Variants in BAG2 observed in about 807,000 individuals in gnomAD.
BAG2 encodes the protein BAG cochaperone 2.
BAG2 carries 8 observed loss-of-function variants against 16.4 expected under a neutral mutation model. The observed-to-expected ratio is 0.49, with a 90% CI of 0.29 to 0.88. The LOEUF is 0.88. Ranked by LOEUF, BAG2 falls within the 40% of genes least tolerant of loss-of-function variation. The pLI, the probability that BAG2 is intolerant of heterozygous loss-of-function variation, is 0.09. For missense variants in BAG2, 218 were observed against 248.9 expected (o/e 0.88, Z 0.84); for synonymous variants, 82 against 89.2 (o/e 0.92, Z 0.46).
rs1554307961 is a variant in BAG2, at chr6:57,188,502, T to TAAC, written c.*4315_*4317dup. ...GAAAAAGAACTAACTAGAACACATATAACAAGTGATTTTTCTGCCAATAAA... is the reference window on the plus strand; with the variant it reads ...GAAAAAGAACTAACTAGAACACATATAACAACAAGTGATTTTTCTGCCAATAAA... On this transcript the variant is annotated 3_prime_UTR_variant, in exon 3 of 3. Coordinates refer to ENST00000370693, the MANE Select transcript of BAG2 (RefSeq NM_004282.4). The TAAC allele has an allele frequency of 1.3e-5, 2 of 152,112 alleles. No individual in the cohort carries two copies. The highest frequency in any genetic ancestry group is 2.4e-5 in the African/African-American group (1 of 41,432). The allele number at this position is 152,112 out of a possible 1,614,324, so 9.4% of individuals were successfully genotyped here.
Position 57,189,692 on chromosome 6 carries a change from TAAAC to T in BAG2, c.*5505_*5508del, listed in dbSNP as rs1390039195. The T allele has an allele frequency of 3.9e-5, 6 of 152,766 alleles. No homozygotes were observed. Among genetic ancestry groups the T allele is most frequent in the South Asian group, 2.1e-4 (1 of 4,828 alleles). 9.5% of individuals were successfully genotyped at this position (152,766 alleles called of 1,614,324 possible). ...TGCTTACTGCTTTTAAAAGATATAA[TAAAC>T]AATATAAATTCTGATAGTAAAGCAC... On this transcript the variant is annotated 3_prime_UTR_variant, in exon 3 of 3. Transcript: ENST00000370693.
rs1268774530 is a variant in BAG2 at position 57,184,933 on chromosome 6, C to CT, written c.*745dup. On this transcript the variant is annotated 3_prime_UTR_variant, in exon 3 of 3. Coordinates refer to ENST00000370693, the MANE Select transcript of BAG2 (RefSeq NM_004282.4). ...GATATAAAGTCTGCTTAATTGTCAACTTAATGAGCTCTATTTTGTGTAGTT... is the reference window on the plus strand; with the variant it reads ...GATATAAAGTCTGCTTAATTGTCAACTTTAATGAGCTCTATTTTGTGTAGTT... 6.6e-6 allele frequency: 1 copy of CT among 152,204 alleles called. No homozygotes were observed. Among genetic ancestry groups the CT allele is most frequent in the East Asian group, 1.9e-4 (1 of 5,200 alleles). 9.4% of individuals were successfully genotyped at this position (152,204 alleles called of 1,614,324 possible). A position where few individuals can be genotyped will look rare whatever the true frequency, so the allele number is the denominator to read the frequency against.
intron 2 of BAG2, 26 bp downstream of exon 2, chr6:57,182,167 C>T (rs1177183969): frequency 6.3e-7 from 1 of 1,595,706 alleles, no homozygotes; most frequent in Admixed American, 1.7e-5. Context: ...ACAGAAGGGG[C>T]TCATCTTTTA....
rs893495664 is a variant in BAG2, at chr6:57,185,280, G to A, written c.*1090G>A. ...GTTTACTAAAAAGGTTGACCAGTGTGTTGATTCTTCTTTTATCTGATAAAG... is the reference window on the plus strand; with the variant it reads ...GTTTACTAAAAAGGTTGACCAGTGTATTGATTCTTCTTTTATCTGATAAAG... On this transcript the variant is annotated 3_prime_UTR_variant, in exon 3 of 3. Coordinates refer to ENST00000370693, the MANE Select transcript of BAG2 (RefSeq NM_004282.4). 1 of 152,146 alleles carries A rather than the reference G, an allele frequency of 6.6e-6. No individual in the cohort carries two copies. Among genetic ancestry groups the A allele is most frequent in the Non-Finnish European group, 1.5e-5 (1 of 68,030 alleles). 9.4% of individuals were successfully genotyped at this position (152,146 alleles called of 1,614,324 possible).
chr6:57,176,677 G>A (rs975909559), intron 1 of BAG2, among the ~76,000 whole-genome samples: 2 of 152,198 alleles, frequency 1.3e-5, no homozygotes, highest in African/African-American at 4.8e-5. Flanking sequence ...GTGAAGGGAT[G>A]GGGTTGGGGG....
chr6:57,187,372 T>C lies in BAG2; in HGVS notation c.*3182T>C, dbSNP rs1477602513. On this transcript the variant is annotated 3_prime_UTR_variant, in exon 3 of 3. Coordinates refer to ENST00000370693, the MANE Select transcript of BAG2 (RefSeq NM_004282.4). ...AATATTTTGTTAGCAAATGAATTCATCTGTATGATGAGAGACTTACATGTT... is the reference window on the plus strand; with the variant it reads ...AATATTTTGTTAGCAAATGAATTCACCTGTATGATGAGAGACTTACATGTT... 1 of 152,184 alleles carries C rather than the reference T, an allele frequency of 6.6e-6. No homozygotes were observed. Among genetic ancestry groups the C allele is most frequent in the Non-Finnish European group, 1.5e-5 (1 of 68,028 alleles). 9.4% of individuals were successfully genotyped at this position (152,184 alleles called of 1,614,324 possible).
Position 57,184,332 on chromosome 6 carries a change from A to G in BAG2, c.*142A>G. On this transcript the variant is annotated 3_prime_UTR_variant, in exon 3 of 3. Transcript: ENST00000370693. The stretch of plus-strand genomic sequence containing the variant: ...TTCAGATGAGGAAAATATTCCATCA[A>G]GTATCTTCAGTTTTGTGAATAACAA... 1.4e-6 allele frequency: 1 copy of G among 711,964 alleles called. No individual in the cohort carries two copies. The highest frequency in any genetic ancestry group is 2.0e-6 in the Non-Finnish European group (1 of 493,102). The allele number at this position is 711,964 out of a possible 1,614,324, so 44.1% of individuals were successfully genotyped here. A position where few individuals can be genotyped will look rare whatever the true frequency, so the allele number is the denominator to read the frequency against.
At chr6:57,176,703 G>A (rs745744737) in intron 1 of BAG2, among the ~76,000 whole-genome samples, 3 of 152,286 alleles carry the variant, frequency 2.0e-5, no homozygotes, top group East Asian at 3.9e-4. Context: ...GGGATCATTC[G>A]TCTGGCTTAA....
chr6:57,174,897 G>T (rs1182897080), intron 1 of BAG2, among the ~76,000 whole-genome samples: 2 of 152,312 alleles, frequency 1.3e-5, no homozygotes, highest in East Asian at 3.9e-4. Context: ...TTTGTACTTA[G>T]AAGTGTGCAC....
rs1184796792 is a variant in BAG2 at position 57,189,062 on chromosome 6, T to C, written c.*4872T>C. 2 of 152,224 alleles carry C rather than the reference T, an allele frequency of 1.3e-5. No homozygotes were observed. The highest frequency in any genetic ancestry group is 4.8e-5 in the African/African-American group (2 of 41,466). 9.4% of individuals were successfully genotyped at this position (152,224 alleles called of 1,614,324 possible). A position where few individuals can be genotyped will look rare whatever the true frequency, so the allele number is the denominator to read the frequency against. The stretch of plus-strand genomic sequence containing the variant: ...CAGGTATATTGAAAGGGGTTATTTA[T>C]AGGTTAAAAATAAAGCCATTGATGA... On this transcript the variant is annotated 3_prime_UTR_variant, in exon 3 of 3. Transcript: ENST00000370693.
rs1562644901 is a variant in BAG2 at position 57,187,046 on chromosome 6, A to G, written c.*2856A>G. ...ATTATTGGAATTCATCCTTCATGAAATTTTTAGAGTAGTGTTTTAAATTAA... is the reference window on the plus strand; with the variant it reads ...ATTATTGGAATTCATCCTTCATGAAGTTTTTAGAGTAGTGTTTTAAATTAA... On this transcript the variant is annotated 3_prime_UTR_variant, in exon 3 of 3. Coordinates refer to ENST00000370693, the MANE Select transcript of BAG2 (RefSeq NM_004282.4). 1 of 152,208 alleles carries G rather than the reference A, an allele frequency of 6.6e-6. No individual in the cohort carries two copies. Among genetic ancestry groups the G allele is most frequent in the African/African-American group, 2.4e-5 (1 of 41,454 alleles). The allele number at this position is 152,208 out of a possible 1,614,324, so 9.4% of individuals were successfully genotyped here. A position where few individuals can be genotyped will look rare whatever the true frequency, so the allele number is the denominator to read the frequency against.
At chr6:57,178,647 G>C (rs1074171) in intron 1 of BAG2, among the ~76,000 whole-genome samples, 1 of 152,102 alleles carries the variant, frequency 6.6e-6, no homozygotes, top group Non-Finnish European at 1.5e-5. Context: ...TTTGAAGAAT[G>C]ACATTTTACC....
At chr6:57,173,443 C>A (rs1764187871) in intron 1 of BAG2, 1 of 985,228 alleles carries the variant, frequency 1.0e-6, no homozygotes. Context: ...CGGGATTCAG[C>A]GGTTCCGTTC....
chr6:57,187,431 CAT>C lies in BAG2; in HGVS notation c.*3242_*3243del, dbSNP rs1016445817. The C allele has an allele frequency of 1.3e-5, 2 of 152,126 alleles. No homozygotes were observed. The highest frequency in any genetic ancestry group is 4.8e-5 in the African/African-American group (2 of 41,422). The allele number at this position is 152,126 out of a possible 1,614,324, so 9.4% of individuals were successfully genotyped here. On this transcript the variant is annotated 3_prime_UTR_variant, in exon 3 of 3. Transcript: ENST00000370693. ...GAAAACCTAAGGAGTGACAATAGTACATGTGACATTCTTAACAGTTAAAAACT... is the reference window on the plus strand; with the variant it reads ...GAAAACCTAAGGAGTGACAATAGTACGTGACATTCTTAACAGTTAAAAACT...
chr6:57,172,672 T>C lies in BAG2; in HGVS notation c.-26T>C, dbSNP rs1160787928. The C allele has an allele frequency of 3.3e-6, 5 of 1,499,224 alleles. No individual in the cohort carries two copies. The highest frequency in any genetic ancestry group is 4.5e-6 in the Non-Finnish European group (5 of 1,119,478). The allele number at this position is 1,499,224 out of a possible 1,614,324, so 92.9% of individuals were successfully genotyped here. The stretch of plus-strand genomic sequence containing the variant: ...TGCCGCCGGAGGGGCCGGTGACCTC[T>C]TGGCTACCCCGCGTCGGAGGCTTAG... On this transcript the variant is annotated 5_prime_UTR_variant, in exon 1 of 3. Transcript: ENST00000370693.
intron 1 of BAG2, among the ~76,000 whole-genome samples, chr6:57,174,586 C>CT (rs921701909): frequency 6.5e-4 from 99 of 152,068 alleles, no homozygotes; most frequent in East Asian, 2.1e-3. Flanking sequence ...ATTTCAAGGA[C>CT]TTTTTTTTAG....
intron 1 of BAG2, chr6:57,174,100 C>T (rs1265726075): frequency 2.9e-6 from 2 of 686,914 alleles, no homozygotes; most frequent in East Asian, 8.0e-5. Context: ...TTTCACAATA[C>T]TGGCAAACCT....
At chr6:57,173,602 T>C (rs1764193072) in intron 1 of BAG2, 1 of 758,858 alleles carries the variant, frequency 1.3e-6, no homozygotes, top group Non-Finnish European at 1.6e-6. Context: ...TTCTAAACAA[T>C]TTAATGTTAA....
intron 1 of BAG2, among the ~76,000 whole-genome samples, chr6:57,176,194 G>A (rs971488984): frequency 6.6e-5 from 10 of 152,108 alleles, no homozygotes; most frequent in Admixed American, 2.0e-4. Flanking sequence ...GCCCCATGTC[G>A]TTGTTACTAT....
Sources: gnomAD v4.1 joint callset for allele counts (sites outside exome capture counted in the v4.1 genomes callset) on GRCh38, gnomAD v4.1.1 for gene constraint, MANE v1.5 for transcripts, NCBI Gene and HGNC (gene_info 2026-07-23, HGNC 2026-07-21) for gene names.